Variants in NELL1 observed in about 807,000 individuals in gnomAD.
NELL1 encodes the protein neural EGFL like 1.
Under a neutral mutation model 107.4 loss-of-function variants are expected in NELL1, and 76 were observed. The observed-to-expected ratio is 0.71, with a 90% CI of 0.59 to 0.86. The LOEUF is 0.86. Among genes scored for constraint, NELL1 ranks in the 40% least tolerant of loss-of-function variants. NELL1 has a pLI of 0.00. For missense variants in NELL1, 1,024 were observed against 1,005.5 expected (o/e 1.02, Z -0.25); for synonymous variants, 353 against 341.2 (o/e 1.03, Z -0.38).
chr11:20,972,577 T>C (rs892160759), intron 12 of NELL1, among the ~76,000 whole-genome samples: 1 of 152,054 alleles, frequency 6.6e-6, no homozygotes, highest in African/African-American at 2.4e-5. Context: ...ATGTACGAGT[T>C]TGGAGCAGTG....
chr11:21,467,003 T>C (rs140780646), intron 15 of NELL1, among the ~76,000 whole-genome samples: 5 of 152,226 alleles, frequency 3.3e-5, no homozygotes, highest in Non-Finnish European at 7.4e-5. Context: ...CATGGAGTAT[T>C]AATTTCACAG....
At chr11:21,347,905 G>C (rs1164675409) in intron 14 of NELL1, among the ~76,000 whole-genome samples, 1 of 152,064 alleles carries the variant, frequency 6.6e-6, no homozygotes, top group Non-Finnish European at 1.5e-5. Flanking sequence ...CCAGAAAAGG[G>C]GCGCATGTCT....
intron 16 of NELL1, among the ~76,000 whole-genome samples, chr11:21,537,873 C>G (rs1301649541): frequency 6.6e-6 from 1 of 152,028 alleles, no homozygotes; most frequent in Non-Finnish European, 1.5e-5. Context: ...AACCATGAGT[C>G]TTTTATTTAA....
intron 12 of NELL1, among the ~76,000 whole-genome samples, chr11:21,015,916 T>C (rs1442187625): frequency 6.6e-6 from 1 of 152,112 alleles, no homozygotes; most frequent in East Asian, 1.9e-4. Flanking sequence ...GCTTTATAAA[T>C]GACCATTTAG....
In NELL1 at chr11:21,125,444, TA is replaced by T. The variant is rs200918790; in HGVS notation, c.1426+11739del. Among the ~76,000 whole-genome samples the T allele has an allele frequency of 7.7e-3, 1,162 of 151,358 alleles. 15 individuals carry two copies. The highest frequency in any genetic ancestry group is 0.027 in the African/African-American group (1,101 of 41,284). On this transcript the variant is annotated intron_variant, in intron 13 of 19. Transcript: ENST00000357134. ...TTTCTTTTGAAAGAGTTCAGCTTCT[TA>T]AAAAAAAAGGATTATTTTACAAACT... is the stretch of plus-strand genomic sequence containing the variant.
chr11:20,901,683 A>T (rs931733851), intron 5 of NELL1, among the ~76,000 whole-genome samples: 1 of 152,042 alleles, frequency 6.6e-6, no homozygotes, highest in East Asian at 1.9e-4. Flanking sequence ...AGCCATCCAG[A>T]TGTGAAGGCT....
chr11:20,679,258 A>G (rs1221544762), intron 2 of NELL1, among the ~76,000 whole-genome samples: 2 of 152,122 alleles, frequency 1.3e-5, no homozygotes, highest in African/African-American at 4.8e-5. Context: ...ACTCTCAGAG[A>G]AGTGGGGCCT....
At chr11:21,524,786 T>C (rs1434250917) in intron 15 of NELL1, among the ~76,000 whole-genome samples, 1 of 152,192 alleles carries the variant, frequency 6.6e-6, no homozygotes, top group East Asian at 1.9e-4. Context: ...GGATTTTCAG[T>C]CTTGGAGTGA....
chr11:21,432,362 C>A (rs1442818558), intron 15 of NELL1, among the ~76,000 whole-genome samples: 1 of 152,014 alleles, frequency 6.6e-6, no homozygotes, highest in African/African-American at 2.4e-5. Flanking sequence ...ACTAGCTTTT[C>A]TTTGTGAAAC....
chr11:21,218,244 G>A (rs1590743499), intron 13 of NELL1, among the ~76,000 whole-genome samples: 1 of 152,020 alleles, frequency 6.6e-6, no homozygotes, highest in Admixed American at 6.6e-5. Flanking sequence ...CTGCAAAGAG[G>A]CATTCTAATT....
At chr11:21,413,752 T>C (rs550775104) in intron 15 of NELL1, among the ~76,000 whole-genome samples, 2 of 152,192 alleles carry the variant, frequency 1.3e-5, no homozygotes, top group South Asian at 2.1e-4. Flanking sequence ...ATTTCTCTGA[T>C]GTAGAAAAAT....
At position 20,814,288 on chromosome 11, in the gene NELL1, C is replaced by A. The variant is rs550872766; in HGVS notation, c.335+30458C>A. On this transcript the variant is annotated intron_variant, in intron 3 of 19. Coordinates refer to ENST00000357134, the MANE Select transcript of NELL1 (RefSeq NM_006157.5). ...GGATTACAGGCGTGAGCCACCACAC[C>A]CAGCCTAAAATTTCAACATTTATTT... Among the ~76,000 whole-genome samples, 26 of 152,226 alleles carry A rather than the reference C, an allele frequency of 1.7e-4. 2 individuals carry two copies. The highest frequency in any genetic ancestry group is 4.1e-4 in the South Asian group (2 of 4,832).
At chr11:21,193,377 T>G (rs1465269155) in intron 13 of NELL1, among the ~76,000 whole-genome samples, 1 of 151,796 alleles carries the variant, frequency 6.6e-6, no homozygotes, top group East Asian at 1.9e-4. Context: ...TGGGTAATTT[T>G]TCAAGAACTG....
intron 12 of NELL1, among the ~76,000 whole-genome samples, chr11:21,103,987 G>T (rs573774376): frequency 1.1e-4 from 16 of 152,226 alleles, no homozygotes; most frequent in Non-Finnish European, 1.2e-4. Context: ...GAAACTTTAC[G>T]GCCTATAGCA....
chr11:21,464,553 T>C (rs1853979323), intron 15 of NELL1, among the ~76,000 whole-genome samples: 1 of 152,056 alleles, frequency 6.6e-6, no homozygotes, highest in South Asian at 2.1e-4. Context: ...CTGTGGGAAA[T>C]AAATTTCATG....
intron 15 of NELL1, among the ~76,000 whole-genome samples, chr11:21,519,166 T>A (rs1339213988): frequency 6.6e-6 from 1 of 152,180 alleles, no homozygotes; most frequent in Non-Finnish European, 1.5e-5. Flanking sequence ...CCACTGCCAC[T>A]CCATCTCCAG....
In NELL1 at chr11:20,995,181, T is replaced by G. The variant is rs535788067; in HGVS notation, c.1300+34621T>G. Among the ~76,000 whole-genome samples, 34 of 152,302 alleles carry G rather than the reference T, an allele frequency of 2.2e-4. 1 individual carries two copies. The highest frequency in any genetic ancestry group is 7.7e-4 in the African/African-American group (32 of 41,564). On this transcript the variant is annotated intron_variant, in intron 12 of 19. Transcript: ENST00000357134. ...AAAATTGATCACATTAGGTATAGTG[T>G]GTGTGACTTGTCCAGAGGAATTAAC...
intron 15 of NELL1, among the ~76,000 whole-genome samples, chr11:21,530,766 CT>C (rs1444896257): frequency 1.4e-4 from 21 of 152,058 alleles, no homozygotes; most frequent in African/African-American, 4.6e-4. Context: ...TTTACTTTTT[CT>C]TTAGTTTTAT....
At chr11:21,305,934 T>C (rs1028935234) in intron 14 of NELL1, among the ~76,000 whole-genome samples, 2 of 151,962 alleles carry the variant, frequency 1.3e-5, no homozygotes, top group Non-Finnish European at 2.9e-5. Context: ...TAAGGATCGT[T>C]CTCCAGAGAG....
Sources: allele counts gnomAD v4.1 joint callset (sites outside exome capture counted in the v4.1 genomes callset), GRCh38; gene constraint gnomAD v4.1.1; transcripts MANE v1.5; gene names NCBI Gene and HGNC (gene_info 2026-07-23, HGNC 2026-07-21).